The following CD38 variants were observed in gnomAD, a reference collection of about 807,000 sequenced individuals.
The protein encoded by CD38 is ADP-ribosyl cyclase/cyclic ADP-ribose hydrolase 1.
CD38 carries 31 observed loss-of-function variants against 36.3 expected under a neutral mutation model. That is an observed-to-expected ratio of 0.85 (90% CI 0.64 to 1.15). The LOEUF (loss-of-function observed/expected upper bound fraction) is 1.15. Ranked by LOEUF, CD38 falls within the 50% of genes most tolerant of loss-of-function variation. The pLI is 0.00. For missense variants in CD38, 380 were observed against 371.9 expected, an observed-to-expected ratio of 1.02 and a Z score of -0.18; for synonymous variants, 131 against 135.2, an observed-to-expected ratio of 0.97 and a Z score of 0.22.
chr4:15,831,155 T>C lies in CD38; in HGVS notation c.500-3062T>C, dbSNP rs190811232. 1.1e-4 allele frequency among the ~76,000 whole-genome samples: 16 copies of C among 152,344 alleles called. No individual in the cohort carries two copies. The East Asian group carries it at 3.1e-3, about 29-fold the overall frequency. The stretch of plus-strand genomic sequence containing the variant: ...ACAAAGACAGCAAACAGAAAGCTAA[T>C]ACAAACTCTATACCTTAACTTCATT... On this transcript the variant is annotated intron_variant, in intron 3 of 7. Coordinates refer to ENST00000226279, the MANE Select transcript of CD38 (RefSeq NM_001775.4).
rs1233944485 is a variant in CD38 at position 15,852,415 on chromosome 4, A to C, written c.*3813A>C. On this transcript the variant is annotated 3_prime_UTR_variant, in exon 8 of 8. Transcript: ENST00000226279. The stretch of plus-strand genomic sequence containing the variant: ...AGAACAATTCCTAAATCTGTAACTT[A>C]AGTTTCTCAGGAAGATTCCATACTG... 2 of 152,158 alleles carry C rather than the reference A, an allele frequency of 1.3e-5. No homozygotes were observed. Among genetic ancestry groups the C allele is most frequent in the African/African-American group, 4.8e-5 (2 of 41,434 alleles). The allele number at this position is 152,158 out of a possible 1,614,324, so 9.4% of individuals were successfully genotyped here.
At chr4:15,838,619 TA>T (rs1273477589) in intron 5 of CD38, among the ~76,000 whole-genome samples, 1 of 152,180 alleles carries the variant, frequency 6.6e-6, no homozygotes, top group Non-Finnish European at 1.5e-5. Context: ...AATTCAGTAG[TA>T]AAACTACTAC....
At chr4:15,779,124 A>G (rs959628302) in intron 1 of CD38, among the ~76,000 whole-genome samples, 17 of 152,196 alleles carry the variant, frequency 1.1e-4, no homozygotes, top group Admixed American at 9.2e-4. Context: ...AGGACACTTA[A>G]GTGGTTTGCA....
At chr4:15,829,062 T>C (rs1012614017) in intron 3 of CD38, among the ~76,000 whole-genome samples, 4 of 152,198 alleles carry the variant, frequency 2.6e-5, no homozygotes, top group African/African-American at 9.6e-5. Flanking sequence ...TTTGTTTCCC[T>C]ATTAATTAGG....
At chr4:15,816,431 A>C in intron 1 of CD38, 80 bp from the exon 2 acceptor site, 1 of 1,232,392 alleles carries the variant, frequency 8.1e-7, no homozygotes. Context: ...TTCCTAAATA[A>C]GATTCTAAAA....
In CD38 at chr4:15,851,271, T is replaced by A. The variant is rs1167901227; in HGVS notation, c.*2669T>A. ...TTGCCATCTCTGGCCCGAAGGACTT[T>A]CTGACCTACATGTATAAATACCCCC... On this transcript the variant is annotated 3_prime_UTR_variant, in exon 8 of 8. Transcript: ENST00000226279. The A allele has an allele frequency of 6.6e-6, 1 of 152,250 alleles. No individual in the cohort carries two copies. Among genetic ancestry groups the A allele is most frequent in the Non-Finnish European group, 1.5e-5 (1 of 68,070 alleles). The allele number at this position is 152,250 out of a possible 1,614,324, so 9.4% of individuals were successfully genotyped here.
intron 3 of CD38, among the ~76,000 whole-genome samples, chr4:15,826,457 G>GCACA (rs1491148359): frequency 1.3e-4 from 12 of 89,492 alleles, no homozygotes; most frequent in Non-Finnish European, 1.9e-4. Flanking sequence ...ACACTTTTGT[G>GCACA]CGCACACACA....
chr4:15,806,187 C>T (rs923929807), intron 1 of CD38, among the ~76,000 whole-genome samples: 1 of 152,206 alleles, frequency 6.6e-6, no homozygotes, highest in Admixed American at 6.5e-5. Flanking sequence ...TGTCTTCCTG[C>T]CCCGTGCCCT....
intron 2 of CD38, among the ~76,000 whole-genome samples, chr4:15,820,294 C>T (rs1723704076): frequency 6.6e-6 from 1 of 152,140 alleles, no homozygotes; most frequent in Admixed American, 6.5e-5. Context: ...AACAAATCTT[C>T]ACAATAACCA....
intron 1 of CD38, among the ~76,000 whole-genome samples, chr4:15,811,920 G>C (rs1029971117): frequency 6.6e-6 from 1 of 152,140 alleles, no homozygotes; most frequent in Non-Finnish European, 1.5e-5. Flanking sequence ...GACATGCCTG[G>C]GCTCAGGTTT....
At chr4:15,788,738 G>A (rs551152171) in intron 1 of CD38, among the ~76,000 whole-genome samples, 2 of 152,306 alleles carry the variant, frequency 1.3e-5, no homozygotes, top group East Asian at 3.9e-4. Flanking sequence ...TTTCAAAAAG[G>A]TAAGAGCGTG....
chr4:15,817,627 A>T (rs1723628885), intron 2 of CD38, among the ~76,000 whole-genome samples: 1 of 152,126 alleles, frequency 6.6e-6, no homozygotes, highest in Non-Finnish European at 1.5e-5. Context: ...AGGTGTAGAA[A>T]GTGGGGCTTA....
In CD38 at chr4:15,848,543, G is replaced by T; in HGVS notation, c.844G>T (p.Asp282Tyr). 1 of 1,613,008 alleles carries T rather than the reference G, an allele frequency of 6.2e-7. No individual in the cohort carries two copies. Among genetic ancestry groups the T allele is most frequent in the South Asian group, 1.1e-5 (1 of 91,014 alleles). ...QFSCKNIYRP[D>Y]KFLQCVKNPE... ...TTTTTTGCTTTCTTGTCATAGACCT[G>T]ACAAGTTTCTTCAGTGTGTGAAAAA... Residue 282 changes from aspartate (D) to tyrosine (Y), a missense_variant, in exon 8 of 8, where the codon GAC (aspartate) becomes TAC (tyrosine). By Grantham distance (160) the Asp-to-Tyr change is radical. Coordinates refer to ENST00000226279, the MANE Select transcript of CD38 (RefSeq NM_001775.4).
At chr4:15,809,716 G>T (rs534790290) in intron 1 of CD38, among the ~76,000 whole-genome samples, 68 of 152,228 alleles carry the variant, frequency 4.5e-4, no homozygotes, top group African/African-American at 1.5e-3. Flanking sequence ...CTGTCTCCCT[G>T]TCCCAACTGC....
At position 15,825,231 on chromosome 4, in the gene CD38, G is replaced by A. The variant is rs573854039; in HGVS notation, c.499+215G>A. 30 of 502,468 alleles carry A rather than the reference G, an allele frequency of 6.0e-5. No homozygotes were observed. In the Middle Eastern group the frequency reaches 1.6e-3, roughly 27 times the overall value. 31.1% of individuals were successfully genotyped at this position (502,468 alleles called of 1,614,324 possible). ...AGAGGTTTATTTGACTCACAGTTAC[G>A]CAGGCTGTACAAGAAGTAGGGTACC... On this transcript the variant is annotated intron_variant, in intron 3 of 7. Coordinates refer to ENST00000226279, the MANE Select transcript of CD38 (RefSeq NM_001775.4).
chr4:15,779,217 T>C (rs1214473026), intron 1 of CD38, among the ~76,000 whole-genome samples: 1 of 152,222 alleles, frequency 6.6e-6, no homozygotes, highest in East Asian at 1.9e-4. Context: ...AGCACTCCGA[T>C]TCTTTTTGCG....
At chr4:15,798,132 G>T (rs1021127264) in intron 1 of CD38, among the ~76,000 whole-genome samples, 1 of 152,202 alleles carries the variant, frequency 6.6e-6, no homozygotes, top group Admixed American at 6.5e-5. Context: ...CTGGCCTCAA[G>T]CAATCCTTCC....
At chr4:15,786,007 G>C (rs139625672) in intron 1 of CD38, among the ~76,000 whole-genome samples, 17,523 of 151,076 alleles carry the variant, frequency 0.12, 1,330 homozygotes, top group Non-Finnish European at 0.17. Flanking sequence ...GGAGTTGTTC[G>C]TTCCTCCCAT....
chr4:15,810,136 C>T (rs1038210052), intron 1 of CD38, among the ~76,000 whole-genome samples: 1 of 152,168 alleles, frequency 6.6e-6, no homozygotes, highest in Non-Finnish European at 1.5e-5. Flanking sequence ...TATAGCTCTG[C>T]TCCGTCTAAA....
Sources: allele counts gnomAD v4.1 joint callset (sites outside exome capture counted in the v4.1 genomes callset), GRCh38; gene constraint gnomAD v4.1.1; transcripts MANE v1.5; gene names NCBI Gene and HGNC (gene_info 2026-07-23, HGNC 2026-07-21).